Variants in NRG3 observed in about 807,000 individuals in gnomAD.
NRG3 encodes the protein neuregulin 3.
Under a neutral mutation model 66.9 loss-of-function variants are expected in NRG3, and 31 were observed. The observed-to-expected ratio is 0.46, with a 90% CI of 0.35 to 0.63. The LOEUF is 0.63. NRG3 is among the 20% of genes least tolerant of loss of function. The pLI, the probability that NRG3 is intolerant of heterozygous loss-of-function variation, is 0.00. For synonymous variants in NRG3, 393 were observed against 359.4 expected (o/e 1.09, Z -1.06); for missense variants, 910 against 878.9 (o/e 1.04, Z -0.45).
chr10:82,236,934 C>CTCGA lies in NRG3; in HGVS notation c.824-121802_824-121799dup. ...GTTTCACCGTGTTAGCCAGGATGGT[C>CTCGA]TCGATCTCCTGACCTTGTGGTCCGC... On this transcript the variant is annotated intron_variant, in intron 1 of 8. Coordinates refer to ENST00000372141, the MANE Select transcript of NRG3 (RefSeq NM_001010848.4). Among the ~76,000 whole-genome samples, 2 of 152,194 alleles carry CTCGA rather than the reference C, an allele frequency of 1.3e-5. 1 individual carries two copies. The highest frequency in any genetic ancestry group is 6.8e-3 in the Middle Eastern group (2 of 294).
intron 2 of NRG3, among the ~76,000 whole-genome samples, chr10:82,525,019 G>T (rs945688608): frequency 7.2e-5 from 11 of 151,902 alleles, no homozygotes; most frequent in African/African-American, 2.7e-4. Context: ...ATATGCAGCA[G>T]TGATCCCCAA....
chr10:82,635,469 C>T (rs1215187789), intron 2 of NRG3, among the ~76,000 whole-genome samples: 2 of 151,610 alleles, frequency 1.3e-5, no homozygotes, highest in African/African-American at 2.4e-5. Context: ...GGACATATTC[C>T]TGTCTTCTGA....
At position 82,242,587 on chromosome 10, in the gene NRG3, G is replaced by A. The variant is rs563340505; in HGVS notation, c.824-116152G>A. ...CTTTCTAAGGAGTGCAGAAGCTGAA[G>A]TTATTGTTTTGCTGAGACCTGGAGA... On this transcript the variant is annotated intron_variant, in intron 1 of 8. Coordinates refer to ENST00000372141, the MANE Select transcript of NRG3 (RefSeq NM_001010848.4). Among the ~76,000 whole-genome samples, 6 of 152,284 alleles carry A rather than the reference G, an allele frequency of 3.9e-5. No individual in the cohort carries two copies. The South Asian group carries it at 1.2e-3, about 32-fold the overall frequency.
At chr10:82,877,516 G>C (rs1473862582) in intron 4 of NRG3, among the ~76,000 whole-genome samples, 1 of 148,878 alleles carries the variant, frequency 6.7e-6, no homozygotes, top group Non-Finnish European at 1.5e-5. Context: ...TGGGATTACA[G>C]GTGCCTGCCA....
chr10:81,997,486 C>A (rs1395171340), intron 1 of NRG3, among the ~76,000 whole-genome samples: 2 of 152,120 alleles, frequency 1.3e-5, no homozygotes, highest in Non-Finnish European at 2.9e-5. Flanking sequence ...CTGATGGAAG[C>A]CTTTACCTTC....
chr10:82,712,409 G>A (rs968561063), intron 2 of NRG3, among the ~76,000 whole-genome samples: 1 of 152,156 alleles, frequency 6.6e-6, no homozygotes, highest in African/African-American at 2.4e-5. Flanking sequence ...TTCACATTAT[G>A]TAATAGTTAC....
rs566642067 is a variant in NRG3, at chr10:82,681,265, A to G, written c.954-57312A>G. On this transcript the variant is annotated intron_variant, in intron 2 of 8. Coordinates refer to ENST00000372141, the MANE Select transcript of NRG3 (RefSeq NM_001010848.4). ...TGACTGAACAATTGACTGATTCTGT[A>G]CAATTTACTATATTTTCTGAAACTC... Among the ~76,000 whole-genome samples, 10 of 152,242 alleles carry G rather than the reference A, an allele frequency of 6.6e-5. No homozygotes were observed. The South Asian group carries it at 2.1e-3, about 32-fold the overall frequency.
intron 2 of NRG3, among the ~76,000 whole-genome samples, chr10:82,368,410 C>G (rs962388150): frequency 5.8e-5 from 8 of 138,842 alleles, no homozygotes; most frequent in Admixed American, 1.4e-4. Context: ...ATTTTAGAAT[C>G]AAGGATCATT....
chr10:81,988,268 T>G (rs1025335270), intron 1 of NRG3, among the ~76,000 whole-genome samples: 1 of 152,098 alleles, frequency 6.6e-6, no homozygotes, highest in Admixed American at 6.6e-5. Flanking sequence ...TTTGTAGAGA[T>G]AAGATTTGAA....
At chr10:82,512,513 TG>T (rs1361489027) in intron 2 of NRG3, among the ~76,000 whole-genome samples, 1 of 152,128 alleles carries the variant, frequency 6.6e-6, no homozygotes, top group East Asian at 1.9e-4. Context: ...CTTGAACTCC[TG>T]GCCTTGGCCT....
intron 1 of NRG3, among the ~76,000 whole-genome samples, chr10:82,239,475 A>G (rs1484819213): frequency 6.6e-6 from 1 of 152,138 alleles, no homozygotes; most frequent in Non-Finnish European, 1.5e-5. Context: ...CATAGTATCT[A>G]AAGATTTTTC....
At chr10:82,905,159 TA>T (rs922007539) in intron 4 of NRG3, among the ~76,000 whole-genome samples, 1 of 152,208 alleles carries the variant, frequency 6.6e-6, no homozygotes, top group Non-Finnish European at 1.5e-5. Context: ...TCTTTATATT[TA>T]AAATGTGTTT....
chr10:82,792,657 T>C (rs1349957656), intron 3 of NRG3, among the ~76,000 whole-genome samples: 3 of 152,088 alleles, frequency 2.0e-5, no homozygotes, highest in Admixed American at 6.6e-5. Flanking sequence ...TTAATTATTT[T>C]TTTATTTTAA....
chr10:82,862,132 C>A (rs2064160487), intron 3 of NRG3, among the ~76,000 whole-genome samples: 1 of 152,166 alleles, frequency 6.6e-6, no homozygotes, highest in Non-Finnish European at 1.5e-5. Context: ...TCCCCTTGCA[C>A]CCTCAGGCAT....
At chr10:82,076,565 G>A (rs576866030) in intron 1 of NRG3, among the ~76,000 whole-genome samples, 1 of 152,290 alleles carries the variant, frequency 6.6e-6, no homozygotes, top group Non-Finnish European at 1.5e-5. Context: ...TGTATCAGGG[G>A]GGTGGGTGGA....
At chr10:82,064,240 C>G (rs1453399243) in intron 1 of NRG3, among the ~76,000 whole-genome samples, 1 of 152,148 alleles carries the variant, frequency 6.6e-6, no homozygotes, top group African/African-American at 2.4e-5. Context: ...ACAGGAAATT[C>G]ACCTAAGACA....
chr10:82,442,665 A>G (rs1314698569), intron 2 of NRG3, among the ~76,000 whole-genome samples: 1 of 152,148 alleles, frequency 6.6e-6, no homozygotes, highest in Non-Finnish European at 1.5e-5. Context: ...ACCTATGGAA[A>G]GAAAAATAGT....
intron 3 of NRG3, among the ~76,000 whole-genome samples, chr10:82,846,867 A>G (rs374326028): frequency 2.0e-5 from 3 of 152,202 alleles, no homozygotes; most frequent in Admixed American, 1.3e-4. Flanking sequence ...CGCACCTACT[A>G]TGAGCGAGAT....
intron 1 of NRG3, among the ~76,000 whole-genome samples, chr10:82,287,633 A>G (rs2079496113): frequency 6.6e-6 from 1 of 152,060 alleles, no homozygotes; most frequent in African/African-American, 2.4e-5. Context: ...AAATATCTTT[A>G]GTTTTTATTG....
Sources: gnomAD v4.1 joint callset for allele counts (sites outside exome capture counted in the v4.1 genomes callset) on GRCh38, gnomAD v4.1.1 for gene constraint, MANE v1.5 for transcripts, NCBI Gene and HGNC (gene_info 2026-07-23, HGNC 2026-07-21) for gene names.